Variants in SLC35D4 observed in about 807,000 individuals in gnomAD.
SLC35D4 encodes solute carrier family 35 member D4.
the SLC35D4 span, among the ~76,000 whole-genome samples, chr18:23,381,570 TAATAACAAC>T: frequency 6.6e-6 from 1 of 152,010 alleles, no homozygotes; most frequent in African/African-American, 2.4e-5. Flanking sequence ...AGGTTTGTTT[TAATAACAAC>T]AACAACAACA....
chr18:23,436,787 T>C, the SLC35D4 span, among the ~76,000 whole-genome samples: 2 of 152,068 alleles, frequency 1.3e-5, no homozygotes, highest in African/African-American at 4.8e-5. Flanking sequence ...AGCGAGACTC[T>C]ATCTCAAAAA....
chr18:23,329,922 G>C, the SLC35D4 span, among the ~76,000 whole-genome samples: 2 of 152,166 alleles, frequency 1.3e-5, no homozygotes, highest in African/African-American at 2.4e-5. Context: ...GATGAAGCTG[G>C]AAACCATCAA....
the SLC35D4 span, among the ~76,000 whole-genome samples, chr18:23,324,260 G>A: frequency 6.6e-6 from 1 of 152,070 alleles, no homozygotes; most frequent in East Asian, 1.9e-4. Flanking sequence ...CACCCTGCTG[G>A]CACCTTGCTC....
the SLC35D4 span, among the ~76,000 whole-genome samples, chr18:23,276,720 C>T: frequency 3.5e-4 from 54 of 152,354 alleles, no homozygotes; most frequent in African/African-American, 1.2e-3. Flanking sequence ...AGTCCCTGCC[C>T]GCCTATCCTC....
the SLC35D4 span, among the ~76,000 whole-genome samples, chr18:23,291,223 G>A: frequency 6.6e-6 from 1 of 152,214 alleles, no homozygotes; most frequent in Non-Finnish European, 1.5e-5. Flanking sequence ...AGTGCTCCTA[G>A]AATAAGAGTC....
chr18:23,337,823 C>A, the SLC35D4 span, among the ~76,000 whole-genome samples: 1 of 152,210 alleles, frequency 6.6e-6, no homozygotes, highest in Non-Finnish European at 1.5e-5. Flanking sequence ...TTCACCCAAG[C>A]TCCTGAAACC....
the SLC35D4 span, among the ~76,000 whole-genome samples, chr18:23,287,276 A>G: frequency 1.4e-4 from 21 of 151,984 alleles, no homozygotes; most frequent in South Asian, 4.2e-3. Context: ...TCCCTCCACA[A>G]TCCATTATTC....
the SLC35D4 span, among the ~76,000 whole-genome samples, chr18:23,354,394 A>G: frequency 1.7e-4 from 25 of 147,900 alleles, no homozygotes; most frequent in Non-Finnish European, 3.4e-4. Context: ...GGTGGCGGGC[A>G]CCTGTAGTCC....
the SLC35D4 span, among the ~76,000 whole-genome samples, chr18:23,356,266 G>A: frequency 1.3e-5 from 2 of 152,190 alleles, no homozygotes; most frequent in Non-Finnish European, 2.9e-5. The surrounding 1 kb of genome is among the most constrained non-coding windows in gnomAD (Gnocchi z 4.1). Context: ...CATTTCATCA[G>A]TTTTATATAT....
the SLC35D4 span, among the ~76,000 whole-genome samples, chr18:23,375,281 G>T: frequency 1.3e-5 from 2 of 151,974 alleles, no homozygotes; most frequent in South Asian, 4.2e-4. Context: ...CTAAGGGATG[G>T]TTGTTTTTAG....
the SLC35D4 span, among the ~76,000 whole-genome samples, chr18:23,308,783 G>C: frequency 6.6e-6 from 1 of 152,022 alleles, no homozygotes; most frequent in Admixed American, 6.6e-5. Context: ...GGATCATTTG[G>C]AGCTTATCTG....
the SLC35D4 span, among the ~76,000 whole-genome samples, chr18:23,275,104 TTTTG>T: frequency 6.7e-6 from 1 of 149,038 alleles, no homozygotes; most frequent in African/African-American, 2.5e-5. Flanking sequence ...GCTTGTGTGT[TTTTG>T]TGTGTGCATG....
the SLC35D4 span, chr18:23,298,189 C>T: frequency 3.8e-5 from 42 of 1,102,058 alleles, no homozygotes; most frequent in African/African-American, 2.6e-4. Context: ...ATCACCAGCC[C>T]GAACTGCCAT....
the SLC35D4 span, among the ~76,000 whole-genome samples, chr18:23,285,087 A>C: frequency 6.6e-6 from 1 of 152,192 alleles, no homozygotes; most frequent in Admixed American, 6.5e-5. Flanking sequence ...CTTAGTGGCA[A>C]GTCCTGCTTT....
At chr18:23,272,402 G>A in the SLC35D4 span, among the ~76,000 whole-genome samples, 2 of 152,086 alleles carry the variant, frequency 1.3e-5, no homozygotes, top group East Asian at 3.9e-4. Context: ...CTATGATCAT[G>A]CCACTGCACT....
At chr18:23,246,795 G>T in the SLC35D4 span, among the ~76,000 whole-genome samples, 1 of 151,530 alleles carries the variant, frequency 6.6e-6, no homozygotes, top group Admixed American at 6.6e-5. Context: ...AGGTTCAAGC[G>T]ATTCTTCCTG....
At chr18:23,270,463 C>T in the SLC35D4 span, among the ~76,000 whole-genome samples, 2 of 152,166 alleles carry the variant, frequency 1.3e-5, no homozygotes, top group African/African-American at 4.8e-5. Context: ...ACACAGAGTC[C>T]CCACTGGGGC....
the SLC35D4 span, among the ~76,000 whole-genome samples, chr18:23,275,306 T>C: frequency 5.3e-5 from 8 of 152,188 alleles, no homozygotes; most frequent in Non-Finnish European, 1.2e-4. Context: ...AGGACTGCTC[T>C]GATTCCAGCT....
chr18:23,367,123 C>G, the SLC35D4 span, among the ~76,000 whole-genome samples: 1 of 152,158 alleles, frequency 6.6e-6, no homozygotes, highest in Non-Finnish European at 1.5e-5. Flanking sequence ...CTCCCAGAGC[C>G]TGTCATGTAT....
Sources: gnomAD v4.1 joint callset for allele counts (sites outside exome capture counted in the v4.1 genomes callset) on GRCh38, gnomAD v4.1.1 for gene constraint, Gnocchi (gnomAD v3.1) non-coding constraint, MANE v1.5 for transcripts, NCBI Gene and HGNC (gene_info 2026-07-23, HGNC 2026-07-21) for gene names.